Variants in ZDHHC16 observed in about 807,000 individuals in gnomAD.
ZDHHC16 encodes zDHHC palmitoyltransferase 16.
In ZDHHC16, 33 loss-of-function variants were observed where a neutral mutation model predicts 54.4. The ratio of observed to expected loss-of-function variants is 0.61; its 90% CI spans 0.46 to 0.81. The LOEUF (loss-of-function observed/expected upper bound fraction) is 0.81, where lower values mean the gene tolerates loss of function less well. Ranked by LOEUF, ZDHHC16 falls within the 30% of genes least tolerant of loss-of-function variation. The pLI is 0.00. For synonymous variants in ZDHHC16, 185 were observed against 182.1 expected, an observed-to-expected ratio of 1.02 and a Z score of -0.13; for missense variants, 420 against 485.9, an observed-to-expected ratio of 0.86 and a Z score of 1.28.
In ZDHHC16 at chr10:97,453,532, T is replaced by C. The variant is rs1846853582; in HGVS notation, c.559T>C (p.Trp187Arg). The change falls in exon 7 of 12, where the codon TGG (tryptophan) becomes CGG (arginine). Residue 187 changes from tryptophan (W) to arginine (R), a missense_variant and splice_region_variant. Physicochemically the swap from Trp to Arg is moderately radical, Grantham distance 101 (BLOSUM62 -3). Coordinates refer to ENST00000393760, the MANE Select transcript of ZDHHC16 (RefSeq NM_198046.3). ...GTCCTTAATCATTTCCCAACCAGCC[T>C]GGCTAAACAATTGTGTGGGCCACTA... ...CVLKMDHHCPWLNNCVGHYNH... is the reference protein window; with the variant it reads ...CVLKMDHHCPRLNNCVGHYNH... 1.2e-6 allele frequency: 2 copies of C among 1,614,064 alleles called. No homozygotes were observed. Among genetic ancestry groups the C allele is most frequent in the Non-Finnish European group, 1.7e-6 (2 of 1,179,986 alleles).
intron 1 of ZDHHC16, among the ~76,000 whole-genome samples, chr10:97,447,366 C>T (rs1289008304): frequency 6.6e-6 from 1 of 152,192 alleles, no homozygotes; most frequent in Non-Finnish European, 1.5e-5. Flanking sequence ...CTTCCCTGTC[C>T]CCTCAGTCGA....
chr10:97,452,189 C>G lies in ZDHHC16; in HGVS notation c.343C>G (p.Leu115Val), dbSNP rs768954768. 2.0e-5 allele frequency: 32 copies of G among 1,614,144 alleles called. 1 individual carries two copies. The highest frequency in any genetic ancestry group is 2.5e-5 in the Non-Finnish European group (30 of 1,180,034). The change falls in exon 4 of 12, where the codon CTC (leucine) becomes GTC (valine). Residue 115 changes from leucine (L) to valine (V), a missense_variant. Leu to Val is a conservative substitution (Grantham distance 32). Coordinates refer to ENST00000393760, the MANE Select transcript of ZDHHC16 (RefSeq NM_198046.3). ...LILRTYSVPR[L>V]CWHFFYSHWN... ...CCTCCGAACCTACTCAGTGCCACGA[C>G]TCTGCTGGCATTTCTTCTATAGCCA...
intron 6 of ZDHHC16, 136 bp downstream of exon 6, chr10:97,453,059 G>C: frequency 8.9e-7 from 1 of 1,121,732 alleles, no homozygotes; most frequent in Non-Finnish European, 1.3e-6. Flanking sequence ...CCATCTCCTG[G>C]GAGAGCAGGA....
At chr10:97,455,483 C>T in intron 9 of ZDHHC16, 177 bp from the exon 10 acceptor site, 2 of 1,126,946 alleles carry the variant, frequency 1.8e-6, no homozygotes, top group Non-Finnish European at 2.5e-6. Context: ...GATGCTTTTT[C>T]ATTGATGCTC....
Position 97,455,959 on chromosome 10 carries a change from T to A in ZDHHC16, c.949-15T>A, listed in dbSNP as rs1213331193. ...AAATTAGAAGTTCAAAGAAACATGT[T>A]TTTCTTGGCTCCAGGTATTTAGGAA... On this transcript the variant is annotated splice_polypyrimidine_tract_variant and intron_variant, in intron 10 of 11. Transcript: ENST00000393760. 1 of 1,613,870 alleles carries A rather than the reference T, an allele frequency of 6.2e-7. No homozygotes were observed. The highest frequency in any genetic ancestry group is 1.1e-5 in the South Asian group (1 of 91,038).
intron 2 of ZDHHC16, 57 bp from the exon 3 acceptor site, chr10:97,451,614 T>C: frequency 6.4e-7 from 1 of 1,557,288 alleles, no homozygotes; most frequent in South Asian, 1.2e-5. Flanking sequence ...GCCTTCCCAC[T>C]AGCGGGGTAG....
In ZDHHC16 at chr10:97,455,953, AC is replaced by A; in HGVS notation, c.949-20del. 6.2e-7 allele frequency: 1 copy of A among 1,613,830 alleles called. No homozygotes were observed. Among genetic ancestry groups the A allele is most frequent in the Non-Finnish European group, 8.5e-7 (1 of 1,179,874 alleles). ...TCTGAAAAATTAGAAGTTCAAAGAA[AC>A]ATGTTTTTCTTGGCTCCAGGTATTT... On this transcript the variant is annotated intron_variant, in intron 10 of 11. Transcript: ENST00000393760.
intron 9 of ZDHHC16, 96 bp from the exon 10 acceptor site, chr10:97,455,564 G>A (rs771499373): frequency 6.3e-7 from 1 of 1,596,572 alleles, no homozygotes; most frequent in Non-Finnish European, 8.6e-7. Flanking sequence ...TAGGTAGAGA[G>A]GTTCCAAACC....
chr10:97,454,606 C>G lies in ZDHHC16; in HGVS notation c.739-108C>G. ...TACCCTAACTCCTCTGTGGCTTTACCCTGTTTTCTCTGCCTGGATTTGGAT... is the reference window on the plus strand; with the variant it reads ...TACCCTAACTCCTCTGTGGCTTTACGCTGTTTTCTCTGCCTGGATTTGGAT... On this transcript the variant is annotated intron_variant, in intron 8 of 11. Transcript: ENST00000393760. The G allele has an allele frequency of 2.9e-6, 3 of 1,042,740 alleles. No homozygotes were observed. The South Asian group carries it at 4.0e-5, about 14-fold the overall frequency. 64.6% of individuals were successfully genotyped at this position (1,042,740 alleles called of 1,614,324 possible). A position where few individuals can be genotyped will look rare whatever the true frequency, so the allele number is the denominator to read the frequency against.
intron 11 of ZDHHC16, 40 bp from the exon 12 acceptor site, chr10:97,456,737 G>C: frequency 1.4e-6 from 2 of 1,477,920 alleles, no homozygotes; most frequent in Non-Finnish European, 1.9e-6. Context: ...GAAGGACCAA[G>C]AATTCTTGAA....
chr10:97,451,344 G>A (rs1846590452), intron 2 of ZDHHC16, among the ~76,000 whole-genome samples: 2 of 152,198 alleles, frequency 1.3e-5, no homozygotes, highest in South Asian at 4.1e-4. Flanking sequence ...GCTTTGATTT[G>A]GAGTGGCCTT....
chr10:97,446,209 C>G lies in ZDHHC16; in HGVS notation c.-330C>G. The G allele has an allele frequency of 3.1e-6, 2 of 635,858 alleles. No homozygotes were observed. The highest frequency in any genetic ancestry group is 5.4e-6 in the Non-Finnish European group (2 of 367,882). The allele number at this position is 635,858 out of a possible 1,614,324, so 39.4% of individuals were successfully genotyped here. On this transcript the variant is annotated 5_prime_UTR_variant, in exon 1 of 12. Coordinates refer to ENST00000393760, the MANE Select transcript of ZDHHC16 (RefSeq NM_198046.3). ...GATGGGCTGGCGGCGGGTCCGGGTCCGCTGCCTGGCGCTGCGGGCGGCGGG... is the reference window on the plus strand; with the variant it reads ...GATGGGCTGGCGGCGGGTCCGGGTCGGCTGCCTGGCGCTGCGGGCGGCGGG...
intron 1 of ZDHHC16, among the ~76,000 whole-genome samples, chr10:97,449,519 G>T (rs995608096): frequency 2.0e-4 from 31 of 152,238 alleles, no homozygotes; most frequent in African/African-American, 6.5e-4. Context: ...AGGGGTGGAA[G>T]TTTGAGCGTG....
In ZDHHC16 at chr10:97,452,857, T is replaced by C. The variant is rs1451030834; in HGVS notation, c.528-38T>C. ...GATTGGCACTGACATCTCAAGAACT[T>C]TGGCCACCGTAACAGAGCCTGTGTC... On this transcript the variant is annotated intron_variant, in intron 5 of 11. Transcript: ENST00000393760. 5 of 1,614,040 alleles carry C rather than the reference T, an allele frequency of 3.1e-6. No individual in the cohort carries two copies. The East Asian group carries it at 1.1e-4, about 36-fold the overall frequency.
chr10:97,453,853 T>C lies in ZDHHC16; in HGVS notation c.738+7T>C. On this transcript the variant is annotated splice_region_variant and intron_variant, in intron 8 of 11. Transcript: ENST00000393760. ...ACAGGCGGTTGCCAACCAGGTGGGC[T>C]GTCCCCACCCCACTGCCTCCTGCTG... The C allele has an allele frequency of 6.2e-7, 1 of 1,614,176 alleles. No individual in the cohort carries two copies. Among genetic ancestry groups the C allele is most frequent in the Non-Finnish European group, 8.5e-7 (1 of 1,180,040 alleles).
intron 1 of ZDHHC16, among the ~76,000 whole-genome samples, chr10:97,447,190 A>G (rs1182669331): frequency 1.3e-5 from 2 of 152,214 alleles, no homozygotes; most frequent in African/African-American, 4.8e-5. Context: ...TCAGCGTGTT[A>G]GCCCAGAAGG....
At chr10:97,452,785 G>C in intron 5 of ZDHHC16, 110 bp from the exon 6 acceptor site, 1 of 1,464,098 alleles carries the variant, frequency 6.8e-7, no homozygotes, top group African/African-American at 1.4e-5. Flanking sequence ...TGTCTTCAAA[G>C]TCTGTGCCCT....
At position 97,452,918 on chromosome 10, in the gene ZDHHC16, A is replaced by G; in HGVS notation, c.551A>G (p.His184Arg). The G allele has an allele frequency of 1.2e-6, 2 of 1,614,182 alleles. No homozygotes were observed. The highest frequency in any genetic ancestry group is 1.7e-6 in the Non-Finnish European group (2 of 1,180,026). Residue 184 changes from histidine (H) to arginine (R), a missense_variant, in exon 6 of 12, where the codon CAC becomes CGC. By Grantham distance (29) the His-to-Arg change is conservative. Transcript: ENST00000393760. ...CNRCVLKMDH[H>R]CPWLNNCVGH... ...AGGTGTGTGCTGAAGATGGATCACCACTGCCGTATCCTTTTGCTTTCTCTT... is the reference window on the plus strand; with the variant it reads ...AGGTGTGTGCTGAAGATGGATCACCGCTGCCGTATCCTTTTGCTTTCTCTT...
intron 1 of ZDHHC16, among the ~76,000 whole-genome samples, chr10:97,446,779 G>T (rs112614003): frequency 0.052 from 7,859 of 152,210 alleles, 265 homozygotes; most frequent in East Asian, 0.084. Context: ...GTGCAGTGGA[G>T]CGATCTCTGT....
Sources: allele counts gnomAD v4.1 joint callset (sites outside exome capture counted in the v4.1 genomes callset), GRCh38; gene constraint gnomAD v4.1.1; transcripts MANE v1.5; gene names NCBI Gene and HGNC (gene_info 2026-07-23, HGNC 2026-07-21).